The following EYS variants were observed in gnomAD, a reference collection of about 807,000 sequenced individuals.
EYS encodes protein eyes shut homolog.
In EYS, 250 loss-of-function variants were observed where a neutral mutation model predicts 282.1. The observed-to-expected ratio is 0.89, with a 90% CI of 0.80 to 0.98. EYS has a LOEUF of 0.98. Among genes scored for constraint, EYS ranks in the 50% least tolerant of loss-of-function variants. EYS has a pLI of 0.00. For synonymous variants in EYS, 1,355 were observed against 1,282.9 expected (o/e 1.06, Z -1.20); for missense variants, 4,016 against 3,709.0 (o/e 1.08, Z -2.15).
chr6:64,139,814 C>T (rs1338934205), intron 31 of EYS, among the ~76,000 whole-genome samples: 3 of 151,678 alleles, frequency 2.0e-5, no homozygotes, highest in Non-Finnish European at 2.9e-5. Context: ...ACTAAAAATA[C>T]AAAAATTAGC....
chr6:65,184,851 G>A (rs1765478471), intron 12 of EYS, among the ~76,000 whole-genome samples: 1 of 151,374 alleles, frequency 6.6e-6, no homozygotes, highest in South Asian at 2.1e-4. Flanking sequence ...CCATTTCTAG[G>A]AAATGTATTA....
At chr6:63,893,397 TA>T (rs202020095) in intron 35 of EYS, among the ~76,000 whole-genome samples, 3,034 of 152,010 alleles carry the variant, frequency 0.02, 63 homozygotes, top group South Asian at 0.098. Flanking sequence ...TATGCAGCCA[TA>T]AAAAAAGGAT....
chr6:64,114,330 C>A (rs1196615701), intron 31 of EYS, among the ~76,000 whole-genome samples: 3 of 151,946 alleles, frequency 2.0e-5, no homozygotes, highest in Non-Finnish European at 4.4e-5. Flanking sequence ...CTTTATTCTT[C>A]ATAATGCCTT....
chr6:64,902,337 A>T, intron 17 of EYS, 67 bp downstream of exon 17: 1 of 1,322,352 alleles, frequency 7.6e-7, no homozygotes, highest in Non-Finnish European at 1.0e-6. Context: ...TCACCAATTA[A>T]AATTCTATAC....
At chr6:64,327,284 C>A (rs1770464071) in intron 29 of EYS, among the ~76,000 whole-genome samples, 2 of 151,916 alleles carry the variant, frequency 1.3e-5, no homozygotes, top group Admixed American at 6.6e-5. Flanking sequence ...ATAATAGGAC[C>A]CAGTCTGGTG....
At chr6:64,607,047 TA>T (rs149784407) in intron 24 of EYS, among the ~76,000 whole-genome samples, 15 of 150,360 alleles carry the variant, frequency 1.0e-4, no homozygotes, top group South Asian at 2.1e-4. Context: ...TCTGTATGAA[TA>T]AAAAAAAAGA....
chr6:64,632,869 C>T (rs181661238), intron 22 of EYS, among the ~76,000 whole-genome samples: 56 of 152,118 alleles, frequency 3.7e-4, no homozygotes, highest in Admixed American at 3.4e-3. Flanking sequence ...ACATTATATG[C>T]TCTAAATTTT....
chr6:64,995,407 A>G (rs1771218108), intron 14 of EYS, among the ~76,000 whole-genome samples: 2 of 152,158 alleles, frequency 1.3e-5, no homozygotes, highest in Non-Finnish European at 2.9e-5. Flanking sequence ...ATCCTAGCAA[A>G]AAGTAAAACA....
chr6:63,752,327 C>T (rs529850735), intron 41 of EYS, among the ~76,000 whole-genome samples: 42 of 151,920 alleles, frequency 2.8e-4, no homozygotes, highest in African/African-American at 9.9e-4. Flanking sequence ...CATTAGCAAG[C>T]TACTATATTA....
chr6:64,215,670 T>G (rs1159565911), intron 31 of EYS, among the ~76,000 whole-genome samples: 1 of 152,070 alleles, frequency 6.6e-6, no homozygotes, highest in Non-Finnish European at 1.5e-5. Flanking sequence ...TATTTTAAAA[T>G]GTAATAAAAA....
At chr6:63,808,108 G>A (rs1321742521) in intron 36 of EYS, among the ~76,000 whole-genome samples, 1 of 152,080 alleles carries the variant, frequency 6.6e-6, no homozygotes, top group Non-Finnish European at 1.5e-5. Context: ...GCTAGATGCT[G>A]GTGACACAAA....
chr6:65,330,830 C>T (rs1369670868), intron 11 of EYS: 1 of 936,000 alleles, frequency 1.1e-6, no homozygotes, highest in Non-Finnish European at 1.3e-6. Context: ...TCCCTATACA[C>T]ATTTAGAGTC....
chr6:65,444,683 T>A (rs1164818697), intron 5 of EYS, among the ~76,000 whole-genome samples: 2 of 152,088 alleles, frequency 1.3e-5, no homozygotes, highest in African/African-American at 4.8e-5. Flanking sequence ...GTCTTCTATG[T>A]TAGGAGCTTC....
chr6:64,617,004 T>C (rs575896917), intron 24 of EYS, among the ~76,000 whole-genome samples: 1 of 152,228 alleles, frequency 6.6e-6, no homozygotes, highest in East Asian at 1.9e-4. Context: ...AGGAAGCAGA[T>C]CCGTCCTCCT....
intron 28 of EYS, among the ~76,000 whole-genome samples, chr6:64,432,105 T>A (rs558217393): frequency 5.9e-5 from 9 of 152,266 alleles, no homozygotes; most frequent in African/African-American, 2.2e-4. Flanking sequence ...TAATTAAAGA[T>A]GTTCTCATTT....
intron 29 of EYS, among the ~76,000 whole-genome samples, chr6:64,351,981 C>T (rs1771659275): frequency 6.6e-6 from 1 of 151,466 alleles, no homozygotes; most frequent in African/African-American, 2.4e-5. Flanking sequence ...TCAAGATATT[C>T]CTTAATATGA....
At chr6:65,652,710 A>C (rs1767698856) in intron 1 of EYS, among the ~76,000 whole-genome samples, 1 of 152,102 alleles carries the variant, frequency 6.6e-6, no homozygotes, top group Admixed American at 6.6e-5. Flanking sequence ...ACTTTCCCCT[A>C]AAATACAGTA....
intron 2 of EYS, among the ~76,000 whole-genome samples, chr6:65,517,519 A>T (rs1767187473): frequency 6.6e-6 from 1 of 152,086 alleles, no homozygotes; most frequent in Admixed American, 6.6e-5. Context: ...AAGTGAGGTT[A>T]CGGGTAAACA....
At chr6:65,608,306 G>T (rs1393410423) in intron 2 of EYS, among the ~76,000 whole-genome samples, 2 of 151,906 alleles carry the variant, frequency 1.3e-5, no homozygotes, top group East Asian at 3.9e-4. Context: ...AACAGGAAAA[G>T]GTATGGTAAA....
Sources: allele counts gnomAD v4.1 joint callset (sites outside exome capture counted in the v4.1 genomes callset), GRCh38; gene constraint gnomAD v4.1.1; transcripts MANE v1.5; gene names NCBI Gene and HGNC (gene_info 2026-07-23, HGNC 2026-07-21).